Variants in CALN1 observed in about 807,000 individuals in gnomAD.
CALN1 encodes the protein calneuron 1, also known as calcium-binding protein 8.
A neutral mutation model predicts 30.6 loss-of-function variants in CALN1; 17 were observed. The observed-to-expected ratio is 0.56, with a 90% CI of 0.38 to 0.83. CALN1 has a LOEUF of 0.83. Ranked by LOEUF, CALN1 falls within the 40% of genes least tolerant of loss-of-function variation. The pLI is 0.00. For missense variants in CALN1, 291 were observed against 354.9 expected (o/e 0.82, Z 1.45); for synonymous variants, 156 against 131.4 (o/e 1.19, Z -1.28).
At chr7:71,985,733 G>C (rs1055010001) in intron 5 of CALN1, among the ~76,000 whole-genome samples, 2 of 151,574 alleles carry the variant, frequency 1.3e-5, no homozygotes, top group Non-Finnish European at 2.9e-5. Context: ...GGGATTACAG[G>C]TGCACACTAC....
chr7:71,888,298 G>A (rs1793032599), intron 5 of CALN1, among the ~76,000 whole-genome samples: 1 of 151,900 alleles, frequency 6.6e-6, no homozygotes, highest in Admixed American at 6.6e-5. Flanking sequence ...TTATTTTGGG[G>A]GGAGATGAAA....
intron 2 of CALN1, among the ~76,000 whole-genome samples, chr7:72,283,579 T>C (rs758911364): frequency 1.3e-5 from 2 of 152,204 alleles, no homozygotes; most frequent in African/African-American, 2.4e-5. Context: ...GCACCAGGCA[T>C]CTGCTCAGTG....
chr7:71,922,207 T>A (rs924980870), intron 5 of CALN1, among the ~76,000 whole-genome samples: 6 of 152,204 alleles, frequency 3.9e-5, no homozygotes, highest in African/African-American at 1.2e-4. Flanking sequence ...CTCTTTTAAT[T>A]ACTTATCTTG....
Position 71,858,834 on chromosome 7 carries a change from T to C in CALN1, c.502-48342A>G, listed in dbSNP as rs868507101. Among the ~76,000 whole-genome samples, 14 of 152,220 alleles carry C rather than the reference T, an allele frequency of 9.2e-5. 1 individual carries two copies. Among genetic ancestry groups the C allele is most frequent in the Middle Eastern group, 3.4e-3 (1 of 294 alleles). On this transcript the variant is annotated intron_variant, in intron 5 of 6. Coordinates refer to ENST00000395275, the MANE Select transcript of CALN1 (RefSeq NM_031468.4). ...ATTGATGTCTCGTGTCTCCCTAAAA[T>C]GTATAAAACCAAGCTGTGCCCCGAC...
intron 5 of CALN1, among the ~76,000 whole-genome samples, chr7:71,823,944 C>T (rs1968078): frequency 0.42 from 63,728 of 151,816 alleles, 15,077 homozygotes; most frequent in South Asian, 0.62. Flanking sequence ...GTGAGACTTA[C>T]TCACTAGCAT....
chr7:72,401,985 G>A (rs1016660322), intron 2 of CALN1, among the ~76,000 whole-genome samples: 3 of 152,134 alleles, frequency 2.0e-5, no homozygotes, highest in African/African-American at 7.2e-5. Context: ...GCCTGCCTTT[G>A]GTGGAAGGTC....
chr7:72,337,263 G>A (rs2129558583), intron 2 of CALN1: 1 of 985,214 alleles, frequency 1.0e-6, no homozygotes, highest in Non-Finnish European at 1.2e-6. Flanking sequence ...CCCGCGTTCA[G>A]GAGCCGGGCT....
intron 2 of CALN1, among the ~76,000 whole-genome samples, chr7:72,322,840 G>C (rs1800981836): frequency 6.6e-6 from 1 of 151,890 alleles, no homozygotes; most frequent in South Asian, 2.1e-4. Context: ...ATAAACGTTT[G>C]AGGGGATGGA....
At chr7:72,375,885 AC>A (rs1309890989) in intron 2 of CALN1, among the ~76,000 whole-genome samples, 1 of 152,006 alleles carries the variant, frequency 6.6e-6, no homozygotes, top group African/African-American at 2.4e-5. Flanking sequence ...CATTTCCACC[AC>A]CCCAAACAGA....
chr7:71,818,715 TATTTA>T (rs1419289950), intron 5 of CALN1, among the ~76,000 whole-genome samples: 3 of 149,366 alleles, frequency 2.0e-5, no homozygotes, highest in Admixed American at 1.3e-4. Flanking sequence ...TTTATTTATT[TATTTA>T]TTTTTTTGAG....
intron 4 of CALN1, among the ~76,000 whole-genome samples, chr7:72,100,857 A>G (rs116414278): frequency 0.015 from 2,331 of 151,310 alleles, 64 homozygotes; most frequent in African/African-American, 0.053. Flanking sequence ...ACTTCTGGAC[A>G]TAACTAGGAA....
intron 5 of CALN1, among the ~76,000 whole-genome samples, chr7:71,965,195 AC>A (rs1797472111): frequency 6.6e-6 from 1 of 151,744 alleles, no homozygotes; most frequent in African/African-American, 2.4e-5. Flanking sequence ...ACCCAGCTAA[AC>A]TTTTTATTAT....
At chr7:72,425,098 G>A (rs937247000) in intron 1 of CALN1, among the ~76,000 whole-genome samples, 17 of 152,064 alleles carry the variant, frequency 1.1e-4, no homozygotes, top group Admixed American at 7.2e-4. Flanking sequence ...GAGGGGTAGG[G>A]TTTGTTTTTG....
intron 3 of CALN1, among the ~76,000 whole-genome samples, chr7:72,139,638 C>A (rs920036761): frequency 3.0e-4 from 45 of 152,180 alleles, no homozygotes; most frequent in African/African-American, 1.1e-3. Context: ...CTCATCCATG[C>A]CCACCTTCTT....
chr7:72,116,303 C>G (rs767714364), intron 3 of CALN1, among the ~76,000 whole-genome samples: 3 of 152,116 alleles, frequency 2.0e-5, no homozygotes, highest in Non-Finnish European at 4.4e-5. Context: ...TAGGCAGTTT[C>G]AAGGACTTAA....
chr7:71,836,680 G>A (rs970235078), intron 5 of CALN1, among the ~76,000 whole-genome samples: 5 of 148,878 alleles, frequency 3.4e-5, no homozygotes, highest in Non-Finnish European at 5.9e-5. Context: ...GTGCAGTGGC[G>A]GATCCTGGCT....
At chr7:72,217,895 T>C (rs1792959416) in intron 3 of CALN1, among the ~76,000 whole-genome samples, 1 of 134,728 alleles carries the variant, frequency 7.4e-6, no homozygotes, top group African/African-American at 2.8e-5. Flanking sequence ...CGGGCTGGAC[T>C]GCAGTGGCAC....
intron 5 of CALN1, among the ~76,000 whole-genome samples, chr7:71,828,511 G>A (rs1789062750): frequency 6.6e-6 from 1 of 151,964 alleles, no homozygotes; most frequent in Non-Finnish European, 1.5e-5. Flanking sequence ...ACTGGTCAGG[G>A]CAAATCTGCC....
At chr7:72,171,928 TG>T (rs1266443033) in intron 3 of CALN1, among the ~76,000 whole-genome samples, 9 of 152,120 alleles carry the variant, frequency 5.9e-5, no homozygotes, top group Non-Finnish European at 1.5e-5. Context: ...GCAAAGAAAC[TG>T]GGGTCCAGAA....
Sources: gnomAD v4.1 joint callset for allele counts (sites outside exome capture counted in the v4.1 genomes callset) on GRCh38, gnomAD v4.1.1 for gene constraint, MANE v1.5 for transcripts, NCBI Gene and HGNC (gene_info 2026-07-23, HGNC 2026-07-21) for gene names.